Variants in ERICH1 observed in about 807,000 individuals in gnomAD.
ERICH1 encodes glutamate rich 1, also known as glutamate-rich protein 1.
A neutral mutation model predicts 39.6 loss-of-function variants in ERICH1; 56 were observed. The observed-to-expected ratio is 1.41, with a 90% confidence interval of 1.14 to 1.77. The LOEUF (loss-of-function observed/expected upper bound fraction) is 1.77, where lower values mean the gene tolerates loss of function less well. Ranked by LOEUF, ERICH1 falls within the 40% of genes most tolerant of loss-of-function variation. The pLI is 0.00. For synonymous variants in ERICH1, 313 were observed against 223.6 expected (o/e 1.40, Z -3.57); for missense variants, 826 against 575.4 (o/e 1.44, Z -4.45).
At chr8:619,242 G>A (rs1797124635) in intron 3 of ERICH1, among the ~76,000 whole-genome samples, 1 of 152,152 alleles carries the variant, frequency 6.6e-6, no homozygotes, top group South Asian at 2.1e-4. Context: ...CTTGAGAACA[G>A]AAAGGGCACG....
intron 3 of ERICH1, chr8:627,043 T>C: frequency 2.2e-6 from 1 of 448,802 alleles, no homozygotes; most frequent in Non-Finnish European, 4.5e-6. Context: ...TTCTGTCTCC[T>C]CGGAGGGCCA....
chr8:667,616 G>A (rs1802465677), intron 5 of ERICH1: 2 of 153,110 alleles, frequency 1.3e-5, no homozygotes, highest in Non-Finnish European at 2.9e-5. Flanking sequence ...GCTCCTTGAC[G>A]GATGAGGGCG....
chr8:618,117 T>C (rs1242595216), intron 3 of ERICH1, among the ~76,000 whole-genome samples: 1 of 150,342 alleles, frequency 6.7e-6, no homozygotes, highest in Admixed American at 6.6e-5. Context: ...CTATGCGTGC[T>C]CACTACTCAG....
chr8:630,009 C>T (rs560596599), intron 3 of ERICH1, among the ~76,000 whole-genome samples: 1 of 135,678 alleles, frequency 7.4e-6, no homozygotes, highest in Non-Finnish European at 1.6e-5. Flanking sequence ...AGCACCCACA[C>T]AGACAAAGCT....
chr8:685,402 T>G (rs12546188), intron 3 of ERICH1, among the ~76,000 whole-genome samples: 1 of 152,094 alleles, frequency 6.6e-6, no homozygotes, highest in Non-Finnish European at 1.5e-5. Flanking sequence ...CACACATGCT[T>G]TACGAACAAT....
chr8:617,009 T>C (rs1796963067), intron 3 of ERICH1, among the ~76,000 whole-genome samples: 1 of 149,232 alleles, frequency 6.7e-6, no homozygotes, highest in South Asian at 2.2e-4. Flanking sequence ...CGAGCAAATA[T>C]CCAGAAGGAA....
intron 2 of ERICH1, among the ~76,000 whole-genome samples, chr8:706,688 T>G (rs962662785): frequency 2.0e-5 from 3 of 152,116 alleles, no homozygotes; most frequent in Non-Finnish European, 4.4e-5. Flanking sequence ...GAGAACTGCT[T>G]AAACCCAGGA....
chr8:638,789 C>T (rs1306510462), intron 3 of ERICH1, among the ~76,000 whole-genome samples: 1 of 152,058 alleles, frequency 6.6e-6, no homozygotes, highest in Non-Finnish European at 1.5e-5. Context: ...CAGCATTGAC[C>T]CAGAAGACTC....
intron 3 of ERICH1, among the ~76,000 whole-genome samples, chr8:632,401 G>C (rs1798097538): frequency 6.6e-6 from 1 of 152,062 alleles, no homozygotes; most frequent in African/African-American, 2.4e-5. Flanking sequence ...CAGATGAAAA[G>C]AAAGTGAAAG....
At chr8:678,614 C>T (rs1364933276) in intron 3 of ERICH1, among the ~76,000 whole-genome samples, 1 of 152,156 alleles carries the variant, frequency 6.6e-6, no homozygotes, top group East Asian at 1.9e-4. Context: ...TTGAGACCAT[C>T]CTGGCTAACA....
chr8:650,202 G>A (rs1159259817), intron 3 of ERICH1, among the ~76,000 whole-genome samples: 1 of 152,214 alleles, frequency 6.6e-6, no homozygotes, highest in African/African-American at 2.4e-5. Context: ...CTCAGGAGCT[G>A]CGTCCCGTTC....
intron 2 of ERICH1, among the ~76,000 whole-genome samples, chr8:701,011 A>G (rs547876396): frequency 1.1e-3 from 172 of 152,402 alleles, no homozygotes; most frequent in Non-Finnish European, 2.0e-3. Context: ...GTGCAGCATC[A>G]CGGACAATGT....
chr8:620,768 A>C (rs1486093128), intron 3 of ERICH1, among the ~76,000 whole-genome samples: 1 of 152,220 alleles, frequency 6.6e-6, no homozygotes, highest in Non-Finnish European at 1.5e-5. Flanking sequence ...TAACAGTGGC[A>C]CCCCAAAATA....
intron 2 of ERICH1, among the ~76,000 whole-genome samples, chr8:699,536 A>T (rs998830631): frequency 6.6e-6 from 1 of 152,176 alleles, no homozygotes; most frequent in Non-Finnish European, 1.5e-5. Flanking sequence ...CCTCAGGGTG[A>T]CGGCGACTCA....
intron 2 of ERICH1, among the ~76,000 whole-genome samples, chr8:700,703 G>C (rs920689485): frequency 7.3e-5 from 6 of 82,446 alleles, no homozygotes; most frequent in Non-Finnish European, 9.5e-5. Flanking sequence ...GCTCGGAAAA[G>C]GTGCTCAGCG....
chr8:677,321 A>G (rs531119985), intron 3 of ERICH1, among the ~76,000 whole-genome samples: 11 of 152,340 alleles, frequency 7.2e-5, no homozygotes, highest in African/African-American at 2.4e-4. Context: ...GAACTGTGAG[A>G]TGACATTGCT....
intron 2 of ERICH1, among the ~76,000 whole-genome samples, chr8:708,989 C>T (rs1480321929): frequency 2.0e-5 from 3 of 151,906 alleles, no homozygotes; most frequent in Admixed American, 1.3e-4. Context: ...CCACTTTGCC[C>T]GGCCAAGTGT....
At chr8:703,695 G>T (rs529092537) in intron 2 of ERICH1, among the ~76,000 whole-genome samples, 1 of 152,340 alleles carries the variant, frequency 6.6e-6, no homozygotes, top group Non-Finnish European at 1.5e-5. Flanking sequence ...AACGAAGGGT[G>T]CAGCCGGAAG....
In ERICH1 at chr8:648,018, G is replaced by A; in HGVS notation, c.976+20580C>T. 2.9e-5 allele frequency among the ~76,000 whole-genome samples: 2 copies of A among 68,146 alleles called. 1 individual carries two copies. The highest frequency in any genetic ancestry group is 9.0e-5 in the Non-Finnish European group (2 of 22,128). The allele number at this position is 68,146 out of a possible 152,430, so 44.7% of individuals were successfully genotyped here. A position where few individuals can be genotyped will look rare whatever the true frequency, so the allele number is the denominator to read the frequency against. On this transcript the variant is annotated intron_variant, in intron 3 of 3. Coordinates refer to the ERICH1 transcript ENST00000522706. Reference sequence around the variant, plus strand: ...TCGTTTCTGCCACAGCAATGGAAACGTACAGTGTGGCTGACGCAAACGACA... The same window carrying A: ...TCGTTTCTGCCACAGCAATGGAAACATACAGTGTGGCTGACGCAAACGACA...
Sources: gnomAD v4.1 joint callset for allele counts (sites outside exome capture counted in the v4.1 genomes callset) on GRCh38, gnomAD v4.1.1 for gene constraint, MANE v1.5 for transcripts, NCBI Gene and HGNC (gene_info 2026-07-23, HGNC 2026-07-21) for gene names.